The following ABLIM1 variants were observed in gnomAD, a reference collection of about 807,000 sequenced individuals.
ABLIM1 encodes the protein actin binding LIM protein 1, also known as actin-binding LIM protein 1.
In ABLIM1, 40 loss-of-function variants were observed where a neutral mutation model predicts 107.0. The ratio of observed to expected loss-of-function variants is 0.37; its 90% CI spans 0.29 to 0.49. The LOEUF is 0.49. Among genes scored for constraint, ABLIM1 ranks in the 20% least tolerant of loss-of-function variants. ABLIM1 has a pLI of 0.97. For missense variants in ABLIM1, 857 were observed against 1,008.5 expected (o/e 0.85, Z 2.04); for synonymous variants, 357 against 357.3 (o/e 1.00, Z 0.01).
intron 2 of ABLIM1, among the ~76,000 whole-genome samples, chr10:114,592,593 T>C (rs1047498151): frequency 6.6e-5 from 10 of 152,096 alleles, no homozygotes; most frequent in Admixed American, 2.6e-4. Flanking sequence ...GGGGTGGGAC[T>C]GTGGGTAAAG....
chr10:114,649,871 T>A (rs1292305646), intron 1 of ABLIM1, among the ~76,000 whole-genome samples: 1 of 152,104 alleles, frequency 6.6e-6, no homozygotes, highest in East Asian at 1.9e-4. Context: ...TCTTTTTTTT[T>A]TTGAGACAAA....
intron 8 of ABLIM1, among the ~76,000 whole-genome samples, chr10:114,477,219 G>A (rs748681984): frequency 6.6e-6 from 1 of 152,186 alleles, no homozygotes; most frequent in Non-Finnish European, 1.5e-5. Context: ...GACAAATGGG[G>A]TGAAACTAAA....
intron 22 of ABLIM1, among the ~76,000 whole-genome samples, chr10:114,436,758 A>C (rs2059457698): frequency 6.6e-6 from 1 of 151,930 alleles, no homozygotes; most frequent in Non-Finnish European, 1.5e-5. Context: ...GTCCCTGGGG[A>C]GCCCCAGGGC....
At chr10:114,594,542 G>C (rs975018587) in intron 2 of ABLIM1, among the ~76,000 whole-genome samples, 10 of 152,164 alleles carry the variant, frequency 6.6e-5, no homozygotes, top group East Asian at 1.9e-4. Context: ...CTGAGGTCAG[G>C]AGTTTCAGAC....
At chr10:114,746,738 T>C (rs2082393611) in intron 1 of ABLIM1, among the ~76,000 whole-genome samples, 1 of 152,268 alleles carries the variant, frequency 6.6e-6, no homozygotes, top group East Asian at 1.9e-4. Flanking sequence ...GTCTTTTTGA[T>C]AACAGCTATT....
chr10:114,477,866 G>A (rs184392366), intron 8 of ABLIM1, among the ~76,000 whole-genome samples: 200 of 151,172 alleles, frequency 1.3e-3, no homozygotes, highest in African/African-American at 4.6e-3. Flanking sequence ...CTGGGACTAC[G>A]GGGACTTGCC....
chr10:114,571,522 A>G (rs1204845753), intron 3 of ABLIM1, 116 bp from the exon 4 acceptor site: 4 of 996,420 alleles, frequency 4.0e-6, no homozygotes, highest in Non-Finnish European at 6.1e-6. Flanking sequence ...GCAGCAGCCA[A>G]CATGTCTGAA....
the ABLIM1 span, among the ~76,000 whole-genome samples, chr10:114,773,662 C>G: frequency 6.6e-6 from 1 of 152,144 alleles, no homozygotes; most frequent in African/African-American, 2.4e-5. Flanking sequence ...GCGGAGGATG[C>G]AGTGAGCTGA....
At chr10:114,578,460 G>A (rs1001385047) in intron 2 of ABLIM1, among the ~76,000 whole-genome samples, 4 of 149,330 alleles carry the variant, frequency 2.7e-5, no homozygotes, top group Admixed American at 6.7e-5. Flanking sequence ...AGGGTGGAGT[G>A]CAATGGCATG....
the ABLIM1 span, among the ~76,000 whole-genome samples, chr10:114,799,482 C>A: frequency 6.6e-6 from 1 of 152,086 alleles, no homozygotes; most frequent in East Asian, 1.9e-4. Context: ...AACTCTTGAT[C>A]CCCCCCTCCA....
intron 7 of ABLIM1, among the ~76,000 whole-genome samples, chr10:114,490,806 A>T (rs2058811509): frequency 6.6e-6 from 1 of 150,536 alleles, no homozygotes; most frequent in Non-Finnish European, 1.5e-5. Context: ...ATATATATGT[A>T]TGCTTATTTT....
chr10:114,715,500 T>C (rs1375608028), intron 1 of ABLIM1, among the ~76,000 whole-genome samples: 1 of 152,168 alleles, frequency 6.6e-6, no homozygotes, highest in Admixed American at 6.5e-5. Flanking sequence ...ACGTATTTCC[T>C]AAAAATGCCT....
At chr10:114,717,699 G>A (rs2081704036) in intron 1 of ABLIM1, among the ~76,000 whole-genome samples, 1 of 152,084 alleles carries the variant, frequency 6.6e-6, no homozygotes, top group Non-Finnish European at 1.5e-5. Context: ...TGGATCACGT[G>A]AGCCCAGGAG....
chr10:114,487,979 C>T lies in ABLIM1; in HGVS notation c.1020G>A (p.Thr340=). The change falls in exon 8 of 23, where the codon ACG becomes ACA. Residue 340 remains threonine, a synonymous_variant. Coordinates refer to ENST00000533213, the MANE Select transcript of ABLIM1 (RefSeq NM_002313.7). ...TVWHPDCKQS[T]KTEEKLRPTR... is the part of the protein sequence containing the mutation. ...TTACCCGCAGCTTTTCCTCGGTCTT[C>T]GTAGATTGCTTACAGTCGGGATGCC... is the stretch of plus-strand genomic sequence containing the variant. The T allele has an allele frequency of 2.5e-6, 4 of 1,614,128 alleles. No individual in the cohort carries two copies. The highest frequency in any genetic ancestry group is 1.1e-5 in the South Asian group (1 of 91,076).
chr10:114,622,175 C>T (rs1191543142), intron 1 of ABLIM1, among the ~76,000 whole-genome samples: 1 of 152,168 alleles, frequency 6.6e-6, no homozygotes, highest in Non-Finnish European at 1.5e-5. Flanking sequence ...TCAGCCTTCT[C>T]TCCCATTCCC....
At chr10:114,548,890 C>T (rs889901862) in intron 4 of ABLIM1, among the ~76,000 whole-genome samples, 2 of 152,200 alleles carry the variant, frequency 1.3e-5, no homozygotes, top group Non-Finnish European at 2.9e-5. Flanking sequence ...ACAGAGTCCA[C>T]TTGGTACACA....
chr10:114,568,051 G>A (rs1043446911), intron 4 of ABLIM1, among the ~76,000 whole-genome samples: 108 of 151,470 alleles, frequency 7.1e-4, no homozygotes, highest in African/African-American at 2.4e-3. Flanking sequence ...TTAGCCGGGC[G>A]CGGTGGCAGG....
intron 1 of ABLIM1, among the ~76,000 whole-genome samples, chr10:114,673,330 T>G (rs934993635): frequency 2.0e-5 from 3 of 151,814 alleles, no homozygotes; most frequent in African/African-American, 7.3e-5. Flanking sequence ...TTACTTGTAA[T>G]CATTTTTTAT....
chr10:114,729,133 T>A (rs1393207512), intron 1 of ABLIM1, among the ~76,000 whole-genome samples: 1 of 152,040 alleles, frequency 6.6e-6, no homozygotes, highest in African/African-American at 2.4e-5. Context: ...CATGCTCTCA[T>A]GAGGAAAGTG....
Sources: allele counts gnomAD v4.1 joint callset (sites outside exome capture counted in the v4.1 genomes callset), GRCh38; gene constraint gnomAD v4.1.1; transcripts MANE v1.5; gene names NCBI Gene and HGNC (gene_info 2026-07-23, HGNC 2026-07-21).